RIC3: variants seen among roughly 807,000 people sequenced by gnomAD.
RIC3 encodes the protein RIC3 acetylcholine receptor chaperone, also known as protein RIC-3.
RIC3 carries 28 observed loss-of-function variants against 27.3 expected under a neutral mutation model. The observed-to-expected ratio is 1.02, with a 90% confidence interval of 0.76 to 1.41. RIC3 has a LOEUF of 1.41. Ranked by LOEUF, RIC3 falls within the 40% of genes most tolerant of loss-of-function variation. The probability of loss-of-function intolerance (pLI) is 0.00; values close to 1 mark genes in which losing one functional copy is unlikely to be tolerated. For missense variants in RIC3, 501 were observed against 444.7 expected, an observed-to-expected ratio of 1.13 and a Z score of -1.14; for synonymous variants, 184 against 160.4, an observed-to-expected ratio of 1.15 and a Z score of -1.11.
At chr11:8,096,546 G>C in the RIC3 span, 1 of 698,660 alleles carries the variant, frequency 1.4e-6, no homozygotes, top group African/African-American at 1.7e-5. Context: ...TATATGTGTA[G>C]ATATGGCTAA....
At chr11:8,115,979 G>A (rs1945822593) in intron 5 of RIC3, among the ~76,000 whole-genome samples, 2 of 152,166 alleles carry the variant, frequency 1.3e-5, no homozygotes, top group Non-Finnish European at 2.9e-5. Flanking sequence ...AGGCATCACA[G>A]TACCTGATTC....
intron 5 of RIC3, among the ~76,000 whole-genome samples, chr11:8,112,291 TTTC>T (rs941850755): frequency 9.5e-5 from 12 of 126,364 alleles, no homozygotes; most frequent in South Asian, 5.7e-4. Context: ...TTTCTTTTCT[TTTC>T]TTTTTTTTTT....
downstream of RIC3, chr11:8,104,550 T>C (rs1426758218): frequency 6.6e-6 from 1 of 152,220 alleles, no homozygotes; most frequent in Non-Finnish European, 1.5e-5. Flanking sequence ...AAGGATGTTG[T>C]TATGATCGCC....
chr11:8,145,715 A>T (rs1162680816), intron 1 of RIC3, among the ~76,000 whole-genome samples: 4 of 152,164 alleles, frequency 2.6e-5, no homozygotes, highest in Non-Finnish European at 5.9e-5. Context: ...AGAGCAGTCA[A>T]AAGTTAACAC....
At chr11:8,140,822 C>T (rs1409750503) in intron 1 of RIC3, among the ~76,000 whole-genome samples, 1 of 152,066 alleles carries the variant, frequency 6.6e-6, no homozygotes, top group East Asian at 1.9e-4. Flanking sequence ...TACAGACTAA[C>T]AGCGGATCTC....
At chr11:8,148,793 ACAG>A (rs559354183) in intron 1 of RIC3, among the ~76,000 whole-genome samples, 19 of 151,678 alleles carry the variant, frequency 1.3e-4, no homozygotes, top group East Asian at 1.9e-4. Context: ...GACATAAATA[ACAG>A]CAGCAGCAGC....
At chr11:8,148,659 AT>A (rs1949947019) in intron 1 of RIC3, among the ~76,000 whole-genome samples, 1 of 148,450 alleles carries the variant, frequency 6.7e-6, no homozygotes, top group African/African-American at 2.6e-5. Flanking sequence ...AGCCAGGAAA[AT>A]TTTAGGATCC....
At chr11:8,140,835 G>C (rs569059266) in intron 1 of RIC3, among the ~76,000 whole-genome samples, 1 of 151,742 alleles carries the variant, frequency 6.6e-6, no homozygotes, top group African/African-American at 2.4e-5. Context: ...CGGATCTCTC[G>C]GCAGAAACCC....
chr11:8,139,354 G>C (rs1253959121), intron 2 of RIC3: 1 of 153,654 alleles, frequency 6.5e-6, no homozygotes, highest in Admixed American at 6.5e-5. Context: ...GGCCTGCCTG[G>C]AGGTGGAACT....
chr11:8,101,852 C>G, downstream of RIC3: 3 of 423,642 alleles, frequency 7.1e-6, no homozygotes, highest in South Asian at 9.4e-5. Context: ...ATAATTCTTT[C>G]CATGCCACGA....
At chr11:8,115,437 T>C (rs1945736704) in intron 5 of RIC3, among the ~76,000 whole-genome samples, 2 of 152,052 alleles carry the variant, frequency 1.3e-5, no homozygotes, top group Admixed American at 1.3e-4. Context: ...ATCTATCTTA[T>C]AAAAAATGCT....
the RIC3 span, among the ~76,000 whole-genome samples, chr11:8,095,234 C>T: frequency 6.6e-6 from 1 of 152,180 alleles, no homozygotes; most frequent in Non-Finnish European, 1.5e-5. Context: ...TGGCTGCCGT[C>T]TGCTTTAAGG....
chr11:8,147,331 G>A (rs139311086), intron 1 of RIC3, among the ~76,000 whole-genome samples: 1 of 152,244 alleles, frequency 6.6e-6, no homozygotes, highest in African/African-American at 2.4e-5. Context: ...CGTATGTCCT[G>A]AACCTTGGCA....
In RIC3 at chr11:8,109,563, T is replaced by C. The variant is rs899105744; in HGVS notation, c.*1135A>G. 2.6e-5 allele frequency: 4 copies of C among 152,160 alleles called. No individual in the cohort carries two copies. The East Asian group carries it at 7.7e-4, about 29-fold the overall frequency. 9.4% of individuals were successfully genotyped at this position (152,160 alleles called of 1,614,324 possible). On this transcript the variant is annotated 3_prime_UTR_variant, in exon 6 of 6. Coordinates refer to ENST00000309737, the MANE Select transcript of RIC3 (RefSeq NM_001206671.4). ...GTATGGAACACATGGTCTCTACCCC[T>C]GGGCACTGCTATATTGGTTCTCTGC...
intron 4 of RIC3, among the ~76,000 whole-genome samples, chr11:8,132,673 G>C (rs1947876967): frequency 3.9e-5 from 6 of 152,098 alleles, no homozygotes; most frequent in Admixed American, 3.3e-4. Flanking sequence ...TAAGCATTAA[G>C]GTAAAGTTTC....
At chr11:8,159,183 T>C (rs1190395452) in intron 1 of RIC3, among the ~76,000 whole-genome samples, 1 of 152,070 alleles carries the variant, frequency 6.6e-6, no homozygotes, top group East Asian at 1.9e-4. Context: ...AAATGCAGTT[T>C]GAGAGAAAAC....
At chr11:8,153,282 C>T in intron 1 of RIC3, 1 of 352,910 alleles carries the variant, frequency 2.8e-6, no homozygotes, top group African/African-American at 2.2e-5. Flanking sequence ...CTATGTCAGG[C>T]TCTGAGATTA....
chr11:8,124,909 A>G (rs539075950), intron 5 of RIC3, among the ~76,000 whole-genome samples: 1 of 152,202 alleles, frequency 6.6e-6, no homozygotes, highest in Non-Finnish European at 1.5e-5. Context: ...GAATTTCTAG[A>G]AAACATGGGA....
At chr11:8,153,008 C>T (rs1950371125) in intron 1 of RIC3, among the ~76,000 whole-genome samples, 1 of 151,912 alleles carries the variant, frequency 6.6e-6, no homozygotes, top group Non-Finnish European at 1.5e-5. Flanking sequence ...TGATGAGGTC[C>T]AAAGAAACCT....
Sources: allele counts gnomAD v4.1 joint callset (sites outside exome capture counted in the v4.1 genomes callset), GRCh38; gene constraint gnomAD v4.1.1; transcripts MANE v1.5; gene names NCBI Gene and HGNC (gene_info 2026-07-23, HGNC 2026-07-21).